NINJ2: variants seen among roughly 807,000 people sequenced by gnomAD.
NINJ2 encodes the protein ninjurin 2, also known as ninjurin-2.
NINJ2 carries 12 observed loss-of-function variants against 11.7 expected under a neutral mutation model. The ratio of observed to expected loss-of-function variants is 1.02; its 90% CI spans 0.66 to 1.66. The LOEUF (loss-of-function observed/expected upper bound fraction) is 1.66, where lower values mean the gene tolerates loss of function less well. Among genes scored for constraint, NINJ2 ranks in the 40% most tolerant of loss-of-function variants. NINJ2 has a pLI of 0.00. For missense variants in NINJ2, 187 were observed against 181.8 expected, an observed-to-expected ratio of 1.03 and a Z score of -0.16; for synonymous variants, 93 against 76.8, an observed-to-expected ratio of 1.21 and a Z score of -1.10.
chr12:629,558 G>A (rs1291428887), intron 1 of NINJ2, among the ~76,000 whole-genome samples: 1 of 152,090 alleles, frequency 6.6e-6, no homozygotes, highest in Non-Finnish European at 1.5e-5. Flanking sequence ...GGCTTTGAAC[G>A]CGGCCCAAAA....
At chr12:661,911 C>A (rs538849235) in intron 1 of NINJ2, among the ~76,000 whole-genome samples, 2 of 152,192 alleles carry the variant, frequency 1.3e-5, no homozygotes, top group African/African-American at 4.8e-5. Context: ...CTCATGCACT[C>A]GGGCTGCAGC....
chr12:622,906 ACCTGCTCTTGT>A (rs1948170876), intron 1 of NINJ2, among the ~76,000 whole-genome samples: 1 of 151,960 alleles, frequency 6.6e-6, no homozygotes, highest in Admixed American at 6.6e-5. Context: ...GGTTAGGAAA[ACCTGCTCTTGT>A]GTGGGTTGCT....
At chr12:590,719 G>T (rs1446089958) in intron 1 of NINJ2, 2 of 151,532 alleles carry the variant, frequency 1.3e-5, no homozygotes, top group Non-Finnish European at 1.5e-5. Flanking sequence ...AGGTTATAGG[G>T]AGGCTGATGC....
In NINJ2 at chr12:581,077, C is replaced by CTG. The variant is rs140081035; in HGVS notation, c.34-14901_34-14900dup. On this transcript the variant is annotated intron_variant, in intron 1 of 3. Transcript: ENST00000305108. The surrounding 1 kb of genome is among the most constrained non-coding windows in gnomAD (Gnocchi z 4.9). ...TCTGTGTGTGCGTGTCTCTGTGCCT[C>CTG]TGTGTGTGTGTGCATGTGTCTCTGT... Among the ~76,000 whole-genome samples, 2 of 144,230 alleles carry CTG rather than the reference C, an allele frequency of 1.4e-5. No individual in the cohort carries two copies. The highest frequency in any genetic ancestry group is 1.4e-4 in the Admixed American group (2 of 14,290). The allele number at this position is 144,230 out of a possible 152,430, so 94.6% of individuals were successfully genotyped here.
At chr12:645,159 G>A (rs1295644783) in intron 1 of NINJ2, 3 of 152,218 alleles carry the variant, frequency 2.0e-5, no homozygotes, top group African/African-American at 7.2e-5. Flanking sequence ...CTGGGGACAA[G>A]GGTTTTTGGC....
chr12:651,336 AG>A (rs1222854012), intron 1 of NINJ2, among the ~76,000 whole-genome samples: 1 of 152,156 alleles, frequency 6.6e-6, no homozygotes, highest in African/African-American at 2.4e-5. Flanking sequence ...ACCTGGGGGA[AG>A]GGGAAGATCC....
intron 1 of NINJ2, among the ~76,000 whole-genome samples, chr12:658,702 T>TA (rs113666611): frequency 2.9e-5 from 4 of 139,944 alleles, no homozygotes; most frequent in South Asian, 2.2e-4. Flanking sequence ...TATGCTATGC[T>TA]ATGCTATGCT....
rs1321532790 is a variant in NINJ2, at chr12:580,372, G to A, written c.34-14194C>T. Among the ~76,000 whole-genome samples, 2 of 152,280 alleles carry A rather than the reference G, an allele frequency of 1.3e-5. No individual in the cohort carries two copies. Among genetic ancestry groups the A allele is most frequent in the African/African-American group, 2.4e-5 (1 of 41,554 alleles). Reference sequence around the variant, plus strand: ...GGAGGCCGAGGCAGGTGGATCACTTGAGGTCAGGAGTTTGAGATGAGCCTG... The same window carrying A: ...GGAGGCCGAGGCAGGTGGATCACTTAAGGTCAGGAGTTTGAGATGAGCCTG... On this transcript the variant is annotated intron_variant, in intron 1 of 3. Coordinates refer to ENST00000305108, the MANE Select transcript of NINJ2 (RefSeq NM_016533.6). This position sits in a 1 kb window ranked among gnomAD's most constrained non-coding sequence, Gnocchi z 4.7.
chr12:587,334 C>G (rs1440078582), intron 1 of NINJ2, among the ~76,000 whole-genome samples: 2 of 152,262 alleles, frequency 1.3e-5, no homozygotes, highest in Non-Finnish European at 2.9e-5. Flanking sequence ...ACCCACAGCA[C>G]AGCCCCCATG....
intron 1 of NINJ2, among the ~76,000 whole-genome samples, chr12:603,144 G>A (rs1309239256): frequency 2.0e-5 from 3 of 152,002 alleles, no homozygotes; most frequent in South Asian, 2.1e-4. Flanking sequence ...GCCTGTTTGC[G>A]GTTTTGAGTT....
chr12:603,989 C>T (rs1351291342), intron 1 of NINJ2, among the ~76,000 whole-genome samples: 1 of 152,160 alleles, frequency 6.6e-6, no homozygotes, highest in Admixed American at 6.5e-5. Context: ...CCCGCTGAGT[C>T]GTCATAGAAT....
chr12:612,303 A>C (rs117243637), intron 1 of NINJ2, among the ~76,000 whole-genome samples: 1 of 151,452 alleles, frequency 6.6e-6, no homozygotes, highest in Non-Finnish European at 1.5e-5. Context: ...CTAACACAAC[A>C]CTCTGTGGGG....
intron 1 of NINJ2, among the ~76,000 whole-genome samples, chr12:641,762 T>C (rs1004290822): frequency 1.4e-4 from 21 of 149,304 alleles, no homozygotes; most frequent in African/African-American, 4.9e-4. Flanking sequence ...GGAGAATTGC[T>C]TGAACCCGGG....
At chr12:603,334 A>G (rs1038046106) in intron 1 of NINJ2, among the ~76,000 whole-genome samples, 3 of 152,220 alleles carry the variant, frequency 2.0e-5, no homozygotes, top group Non-Finnish European at 4.4e-5. Flanking sequence ...CTTATAAGAT[A>G]TATGATTTGT....
At chr12:641,504 A>G (rs1948415856) in intron 1 of NINJ2, among the ~76,000 whole-genome samples, 1 of 152,178 alleles carries the variant, frequency 6.6e-6, no homozygotes. Flanking sequence ...GAAGTCAGGA[A>G]AGAATTCCAG....
chr12:566,095 G>C lies in NINJ2; in HGVS notation c.117C>G (p.Asp39Glu). The change falls in exon 2 of 4, where the codon GAC becomes GAG. Residue 39 changes from aspartate (D) to glutamate (E), a missense_variant. Coordinates refer to ENST00000305108, the MANE Select transcript of NINJ2 (RefSeq NM_016533.6). ...TKKSVAESML[D>E]VALFMSNAMR... The stretch of plus-strand genomic sequence containing the variant: ...TGGCGTTGGACATGAACAGGGCCAC[G>C]TCCAGCATGCTCTCCGCCACGCTCT... 6.2e-7 allele frequency: 1 copy of C among 1,614,180 alleles called. No homozygotes were observed. Among genetic ancestry groups the C allele is most frequent in the Non-Finnish European group, 8.5e-7 (1 of 1,180,032 alleles).
intron 1 of NINJ2, among the ~76,000 whole-genome samples, chr12:592,318 C>T (rs923553364): frequency 2.6e-5 from 4 of 152,238 alleles, no homozygotes; most frequent in East Asian, 1.9e-4. Flanking sequence ...AGAGTGGACC[C>T]GTCACGGTAC....
At chr12:565,919 A>G (rs1325457077) in intron 2 of NINJ2, 31 bp downstream of exon 2, 1 of 1,598,528 alleles carries the variant, frequency 6.3e-7, no homozygotes, top group Non-Finnish European at 8.6e-7. Context: ...GTGCCGAGGC[A>G]GAAGGTCTGA....
In NINJ2 at chr12:643,293, G is replaced by C. The variant is rs563524916; in HGVS notation, c.33+20035C>G. The C allele has an allele frequency of 7.9e-5, 25 of 317,922 alleles. No homozygotes were observed. In the East Asian group the frequency reaches 4.1e-3, roughly 53 times the overall value. 19.7% of individuals were successfully genotyped at this position (317,922 alleles called of 1,614,324 possible). Reference sequence around the variant, plus strand: ...TGCCCTCCGGCGGCGCGGCTGTCTGGAGACTCTGCACCGTCGCGGCCTCGC... The same window carrying C: ...TGCCCTCCGGCGGCGCGGCTGTCTGCAGACTCTGCACCGTCGCGGCCTCGC... On this transcript the variant is annotated intron_variant, in intron 1 of 3. Coordinates refer to ENST00000305108, the MANE Select transcript of NINJ2 (RefSeq NM_016533.6).
Sources: gnomAD v4.1 joint callset for allele counts (sites outside exome capture counted in the v4.1 genomes callset) on GRCh38, gnomAD v4.1.1 for gene constraint, Gnocchi (gnomAD v3.1) non-coding constraint, MANE v1.5 for transcripts, NCBI Gene and HGNC (gene_info 2026-07-23, HGNC 2026-07-21) for gene names.